CCDC18: variants seen among roughly 807,000 people sequenced by gnomAD.
CCDC18 encodes the protein coiled-coil domain-containing protein 18.
CCDC18 carries 157 observed loss-of-function variants against 196.0 expected under a neutral mutation model. The ratio of observed to expected loss-of-function variants is 0.80; its 90% CI spans 0.70 to 0.91. The LOEUF (loss-of-function observed/expected upper bound fraction) is 0.91. Among genes scored for constraint, CCDC18 ranks in the 40% least tolerant of loss-of-function variants. The probability of loss-of-function intolerance (pLI) is 0.00; values close to 1 mark genes in which losing one functional copy is unlikely to be tolerated. For synonymous variants in CCDC18, 482 were observed against 529.2 expected, an observed-to-expected ratio of 0.91 and a Z score of 1.22; for missense variants, 1,465 against 1,611.6, an observed-to-expected ratio of 0.91 and a Z score of 1.56.
At position 93,239,769 on chromosome 1, in the gene CCDC18, C is replaced by A; in HGVS notation, c.2854C>A (p.Gln952Lys). ...ACGGGAAGTACTTGAGACTGAACTA[C>A]AAAATGCTCATGGAGAATTAAAAAG... is the stretch of plus-strand genomic sequence containing the variant. Reference protein sequence around the residue: ...QKREVLETELQNAHGELKSTL... With the variant: ...QKREVLETELKNAHGELKSTL... The change falls in exon 21 of 29, where the codon CAA becomes AAA. Residue 952 changes from glutamine to lysine, a missense_variant. Gln to Lys is a moderately conservative substitution (Grantham distance 53, BLOSUM62 1). Coordinates refer to ENST00000690025, the MANE Select transcript of CCDC18 (RefSeq NM_001378204.1). 1 of 1,613,398 alleles carries A rather than the reference C, an allele frequency of 6.2e-7. No homozygotes were observed.
intron 1 of CCDC18, among the ~76,000 whole-genome samples, chr1:93,181,159 T>TAAAAAAAAAAAAAAA (rs71094239): frequency 4.5e-5 from 4 of 89,856 alleles, no homozygotes; most frequent in Non-Finnish European, 5.9e-5. Context: ...TCTATAAAAT[T>TAAAAAAAAAAAAAAA]AAAAAAAAAA....
chr1:93,274,223 C>T (rs777999587), intron 28 of CCDC18, among the ~76,000 whole-genome samples: 7 of 151,950 alleles, frequency 4.6e-5, no homozygotes, highest in Non-Finnish European at 8.8e-5. Context: ...GCCAAGAGGG[C>T]AAAACCCCAT....
intron 19 of CCDC18, among the ~76,000 whole-genome samples, chr1:93,238,151 T>C (rs1660298827): frequency 6.6e-6 from 1 of 152,226 alleles, no homozygotes; most frequent in African/African-American, 2.4e-5. Context: ...AGCCATCTGC[T>C]CATGGCTCTA....
chr1:93,245,681 C>T (rs542244508), intron 21 of CCDC18, among the ~76,000 whole-genome samples: 56 of 152,062 alleles, frequency 3.7e-4, no homozygotes, highest in Non-Finnish European at 6.8e-4. Context: ...GTAACATCCT[C>T]ATGAGAAATA....
chr1:93,261,302 A>T (rs1280300698), intron 26 of CCDC18, among the ~76,000 whole-genome samples: 1 of 152,146 alleles, frequency 6.6e-6, no homozygotes, highest in Non-Finnish European at 1.5e-5. Context: ...AAATTTAAAT[A>T]TATTTAAAAA....
At chr1:93,221,971 C>CTTTTT in intron 16 of CCDC18, 35 bp downstream of exon 16, 5 of 1,144,346 alleles carry the variant, frequency 4.4e-6, no homozygotes, top group South Asian at 1.5e-5. Flanking sequence ...TCTTTCTTTC[C>CTTTTT]TTTTTTTTTT....
chr1:93,216,394 G>A (rs1489629413), intron 12 of CCDC18, among the ~76,000 whole-genome samples: 1 of 152,162 alleles, frequency 6.6e-6, no homozygotes, highest in African/African-American at 2.4e-5. Context: ...GATAGAAGAA[G>A]TGATCCTTTG....
chr1:93,218,434 A>C (rs1656852212), intron 14 of CCDC18, among the ~76,000 whole-genome samples: 1 of 152,226 alleles, frequency 6.6e-6, no homozygotes. Flanking sequence ...CAATTGTAAC[A>C]AAATACTGTC....
chr1:93,230,569 A>G (rs1168226541), intron 17 of CCDC18, among the ~76,000 whole-genome samples: 1 of 152,072 alleles, frequency 6.6e-6, no homozygotes, highest in East Asian at 1.9e-4. Context: ...TTTGATAGAT[A>G]TATGTTCTAT....
chr1:93,186,215 C>T (rs778532145), intron 3 of CCDC18, 130 bp from the exon 4 acceptor site: 24 of 777,222 alleles, frequency 3.1e-5, no homozygotes, highest in Middle Eastern at 7.3e-4. Context: ...TCAATACTCA[C>T]TAAGTATTTT....
At chr1:93,246,019 T>C (rs370256567) in intron 21 of CCDC18, 86 bp from the exon 22 acceptor site, 14 of 763,188 alleles carry the variant, frequency 1.8e-5, no homozygotes, top group African/African-American at 1.8e-4. Flanking sequence ...TTTTAATTTA[T>C]AGAAGAGGTA....
intron 27 of CCDC18, among the ~76,000 whole-genome samples, chr1:93,266,679 A>C (rs1195653618): frequency 1.3e-5 from 2 of 152,202 alleles, no homozygotes; most frequent in Non-Finnish European, 2.9e-5. Context: ...TACACAAATA[A>C]ACTAGAAAAC....
intron 26 of CCDC18, among the ~76,000 whole-genome samples, chr1:93,259,593 G>C (rs1663492621): frequency 6.6e-6 from 1 of 152,184 alleles, no homozygotes; most frequent in African/African-American, 2.4e-5. Context: ...TTTTGTGAGT[G>C]ATTGGTAGGG....
In CCDC18 at chr1:93,226,345, G is replaced by A. The variant is rs1658313243; in HGVS notation, c.2188G>A (p.Asp730Asn). Residue 730 changes from aspartate (D) to asparagine (N), a missense_variant, in exon 17 of 29, where the codon GAT becomes AAT. Transcript: ENST00000690025. ...TTTTCCTGCTTAGGTTAGGCAACTA[G>A]ATTCAGCATTGGAAATTTGTAAGGA... ...SEETIKVRQLDSALEICKEEL... is the reference protein window; with the variant it reads ...SEETIKVRQLNSALEICKEEL... The A allele has an allele frequency of 7.2e-6, 10 of 1,395,354 alleles. No individual in the cohort carries two copies. The highest frequency in any genetic ancestry group is 1.2e-5 in the South Asian group (1 of 81,464). The allele number at this position is 1,395,354 out of a possible 1,614,324, so 86.4% of individuals were successfully genotyped here. A position where few individuals can be genotyped will look rare whatever the true frequency, so the allele number is the denominator to read the frequency against.
chr1:93,253,298 G>A (rs1662512395), intron 23 of CCDC18, among the ~76,000 whole-genome samples: 1 of 152,042 alleles, frequency 6.6e-6, no homozygotes, highest in Non-Finnish European at 1.5e-5. Flanking sequence ...CAGCTCAGAT[G>A]GAATAGTTCC....
chr1:93,258,953 T>C lies in CCDC18; in HGVS notation c.3684+68T>C, dbSNP rs1663412391. On this transcript the variant is annotated intron_variant, in intron 26 of 28. Coordinates refer to ENST00000690025, the MANE Select transcript of CCDC18 (RefSeq NM_001378204.1). The stretch of plus-strand genomic sequence containing the variant: ...AGGTTGACCTATCTGGACAAAAGTA[T>C]GAGTCCAGCTCTTAAGTGTTCATTA... The C allele has an allele frequency of 5.3e-6, 7 of 1,322,614 alleles. No individual in the cohort carries two copies. The Admixed American group carries it at 9.7e-5, about 18-fold the overall frequency. 81.9% of individuals were successfully genotyped at this position (1,322,614 alleles called of 1,614,324 possible).
At chr1:93,254,028 G>A (rs1397923825) in intron 23 of CCDC18, among the ~76,000 whole-genome samples, 1 of 152,008 alleles carries the variant, frequency 6.6e-6, no homozygotes, top group Non-Finnish European at 1.5e-5. Context: ...AAGTATTGTT[G>A]AGAGACTGGG....
At position 93,270,600 on chromosome 1, in the gene CCDC18, A is replaced by G. The variant is rs1337031546; in HGVS notation, c.4139A>G (p.Lys1380Arg). 6.5e-7 allele frequency: 1 copy of G among 1,550,338 alleles called. No individual in the cohort carries two copies. The highest frequency in any genetic ancestry group is 8.7e-7 in the Non-Finnish European group (1 of 1,146,928). The change falls in exon 28 of 29, where the codon AAA becomes AGA. Residue 1380 changes from lysine to arginine, a missense_variant. Transcript: ENST00000690025. ...LSEELLQDLK[K>R]MQLEQPSTLE... ...GAAGAATTACTACAGGACTTAAAGA[A>G]AATGCAATTAGAACAGCCTTCAACA...
chr1:93,248,882 A>G (rs1414117478), intron 23 of CCDC18, among the ~76,000 whole-genome samples: 3 of 150,524 alleles, frequency 2.0e-5, no homozygotes, highest in Non-Finnish European at 4.4e-5. Flanking sequence ...CTGAGGTGGA[A>G]GGATTGCTTG....
Sources: allele counts gnomAD v4.1 joint callset (sites outside exome capture counted in the v4.1 genomes callset), GRCh38; gene constraint gnomAD v4.1.1; transcripts MANE v1.5; gene names NCBI Gene and HGNC (gene_info 2026-07-23, HGNC 2026-07-21).